ACSL4: variants seen among roughly 807,000 people sequenced by gnomAD.
ACSL4 encodes long-chain-fatty-acid--CoA ligase 4.
In ACSL4, 9 loss-of-function variants were observed where a neutral mutation model predicts 49.1. That is an observed-to-expected ratio of 0.18 (90% CI 0.11 to 0.32). The LOEUF (loss-of-function observed/expected upper bound fraction) is 0.32, where lower values mean the gene tolerates loss of function less well. Among genes scored for constraint, ACSL4 ranks in the 10% least tolerant of loss-of-function variants. The pLI is 1.00. For synonymous variants in ACSL4, 191 were observed against 170.3 expected (o/e 1.12, Z -0.95); for missense variants, 333 against 493.7 (o/e 0.67, Z 3.08).
At chrX:109,650,048 G>T (rs1013785498) in intron 15 of ACSL4, among the ~76,000 whole-genome samples, 1 of 111,362 alleles carries the variant, frequency 9.0e-6, no homozygotes. Flanking sequence ...AGAGGATGTC[G>T]AGAAATAGGG....
chrX:109,663,249 A>G lies in ACSL4; in HGVS notation c.1544T>C (p.Ile515Thr), dbSNP rs1413956213. Residue 515 changes from isoleucine (I) to threonine (T), a missense_variant, in exon 13 of 16, where the codon ATT (isoleucine) becomes ACT (threonine). Around this residue, in one of 3 missense-constraint regions of ACSL4, gnomAD observed 175 missense variants for 275.8 expected, o/e 0.63. Transcript: ENST00000672401. The part of the protein sequence containing the change: ...NGQRWFCTGD[I>T]GEFHPDGCLQ... ...ACATCCATCGGGATGGAATTCTCCA[A>G]TATCACCAGTGCAAAACCACCTTTG... 8.3e-7 allele frequency: 1 copy of G among 1,209,351 alleles called. No individual in the cohort carries two copies. The highest frequency in any genetic ancestry group is 1.1e-6 in the Non-Finnish European group (1 of 893,774).
intron 4 of ACSL4, among the ~76,000 whole-genome samples, chrX:109,681,967 T>A (rs1309152103): frequency 5.4e-5 from 6 of 111,930 alleles, no homozygotes; most frequent in Admixed American, 9.5e-5. Flanking sequence ...TCAAAGGACA[T>A]CTGCTAAACT....
intron 6 of ACSL4, among the ~76,000 whole-genome samples, chrX:109,680,477 T>C (rs888313718): frequency 3.6e-5 from 4 of 112,241 alleles, no homozygotes; most frequent in Admixed American, 9.4e-5. Context: ...TTTCCTCAAC[T>C]CTCTGCCCTG....
chrX:109,649,061 G>T (rs1193840995), intron 15 of ACSL4, among the ~76,000 whole-genome samples: 1 of 109,443 alleles, frequency 9.1e-6, no homozygotes, highest in African/African-American at 3.3e-5. Flanking sequence ...CCATGCTCAT[G>T]GGTAGGAAGA....
intron 15 of ACSL4, among the ~76,000 whole-genome samples, chrX:109,646,735 T>C (rs1219165818): frequency 9.0e-6 from 1 of 110,767 alleles, no homozygotes. Flanking sequence ...GCAAATTGGA[T>C]ACAGAGTCAA....
In ACSL4 at chrX:109,673,333, T is replaced by C. The variant is rs964086256; in HGVS notation, c.1002+1069A>G. Among the ~76,000 whole-genome samples the C allele has an allele frequency of 1.2e-4, 13 of 111,797 alleles. No homozygotes were observed. The Admixed American group carries it at 1.2e-3, about 11-fold the overall frequency. On this transcript the variant is annotated intron_variant, in intron 9 of 15. Coordinates refer to ENST00000672401, the MANE Select transcript of ACSL4 (RefSeq NM_001318510.2). ...GAGCTGTGTGGCTTTGGGGCAACTT[T>C]CCTTCTTTATAAGATAGAGTAACAG...
chrX:109,650,153 T>C (rs920101948), intron 15 of ACSL4, among the ~76,000 whole-genome samples: 9 of 111,395 alleles, frequency 8.1e-5, no homozygotes, highest in Non-Finnish European at 1.7e-4. Flanking sequence ...GAAATACCAT[T>C]TGACCCAGCC....
At chrX:109,681,188 A>C in intron 5 of ACSL4, 52 bp from the exon 6 acceptor site, 3 of 1,205,307 alleles carry the variant, frequency 2.5e-6, no homozygotes, top group Non-Finnish European at 3.4e-6. Flanking sequence ...CCTGCAACAA[A>C]AATTCACTTA....
chrX:109,729,054 C>A (rs866453454), intron 1 of ACSL4, among the ~76,000 whole-genome samples: 17 of 92,021 alleles, frequency 1.8e-4, no homozygotes, highest in African/African-American at 2.0e-4. Flanking sequence ...ACTAAAAATA[C>A]AAAAAAAAAA....
At chrX:109,725,741 A>AAAAATAAAAT (rs774145372) in intron 1 of ACSL4, among the ~76,000 whole-genome samples, 1 of 111,467 alleles carries the variant, frequency 9.0e-6, no homozygotes. Context: ...CTCCATCTCA[A>AAAAATAAAAT]AAAATAAAAT....
rs143027788 is a variant in ACSL4, at chrX:109,663,340, T to C, written c.1453A>G (p.Ile485Val). 2.1e-4 allele frequency: 257 copies of C among 1,208,534 alleles called. No individual in the cohort carries two copies. Among genetic ancestry groups the C allele is most frequent in the Non-Finnish European group, 2.8e-4 (252 of 893,735 alleles). Residue 485 changes from isoleucine to valine, a missense_variant, in exon 13 of 16, where the codon ATC becomes GTC. Transcript: ENST00000672401. ...TCATTTTTAAAATATCCCATGGAGA[T>C]GTTCTGTCCACCAATTACGATTTCA... ...RGEIVIGGQN[I>V]SMGYFKNEEK...
At chrX:109,649,371 A>G (rs1934905421) in intron 15 of ACSL4, among the ~76,000 whole-genome samples, 1 of 111,492 alleles carries the variant, frequency 9.0e-6, no homozygotes. Context: ...AAATAACGCC[A>G]CATATCTACA....
chrX:109,688,162 T>C (rs780348493), intron 2 of ACSL4, among the ~76,000 whole-genome samples: 8 of 112,018 alleles, frequency 7.1e-5, no homozygotes, highest in Non-Finnish European at 1.3e-4. Context: ...CTGACCTATT[T>C]TGCAGACAAA....
At position 109,716,965 on chromosome X, in the gene ACSL4, C is replaced by T. The variant is rs777304862; in HGVS notation, c.-66+16174G>A. On this transcript the variant is annotated intron_variant, in intron 1 of 15. Transcript: ENST00000672401. Reference sequence around the variant, plus strand: ...GTACCTTTAAGATATCCTTTTGCAGCTATTTCTATGATTATTTAAGATATA... The same window carrying T: ...GTACCTTTAAGATATCCTTTTGCAGTTATTTCTATGATTATTTAAGATATA... 5.3e-5 allele frequency among the ~76,000 whole-genome samples: 6 copies of T among 112,295 alleles called. No individual in the cohort carries two copies. The East Asian group carries it at 8.4e-4, about 16-fold the overall frequency.
chrX:109,693,069 A>G (rs1925163276), intron 2 of ACSL4, among the ~76,000 whole-genome samples: 1 of 111,492 alleles, frequency 9.0e-6, no homozygotes, highest in African/African-American at 3.3e-5. Flanking sequence ...TTTTTTTGCC[A>G]CATGATCTGC....
rs181066043 is a variant in ACSL4, at chrX:109,644,291, T to C, written c.1856-105A>G. 4.5e-4 allele frequency: 355 copies of C among 780,472 alleles called. 1 individual carries two copies. The highest frequency in any genetic ancestry group is 5.6e-4 in the Non-Finnish European group (310 of 557,380). 64.3% of individuals were successfully genotyped at this position (780,472 alleles called of 1,213,427 possible). A position where few individuals can be genotyped will look rare whatever the true frequency, so the allele number is the denominator to read the frequency against. ...GGAAGGAGAAGCAATTAATAAAATA[T>C]GAGTTTTTCAGGATTTACCTAGATG... On this transcript the variant is annotated intron_variant, in intron 15 of 15. Coordinates refer to ENST00000672401, the MANE Select transcript of ACSL4 (RefSeq NM_001318510.2).
intron 5 of ACSL4, 31 bp from the exon 6 acceptor site, chrX:109,681,167 T>C: frequency 8.3e-7 from 1 of 1,209,726 alleles, no homozygotes; most frequent in African/African-American, 1.7e-5. Flanking sequence ...AAAACAGCTA[T>C]TAAACTTAAG....
rs1923881796 is a variant in ACSL4 at position 109,678,188 on chromosome X, T to C, written c.806+77A>G. Reference sequence around the variant, plus strand: ...GTTAGAAATACCAAGAGCTTTATCATTTTAATATAGATTGAGTTTAGAGAA... The same window carrying C: ...GTTAGAAATACCAAGAGCTTTATCACTTTAATATAGATTGAGTTTAGAGAA... On this transcript the variant is annotated intron_variant, in intron 7 of 15. Coordinates refer to ENST00000672401, the MANE Select transcript of ACSL4 (RefSeq NM_001318510.2). The C allele has an allele frequency of 7.5e-6, 9 of 1,204,358 alleles. No individual in the cohort carries two copies. In the Admixed American group the frequency reaches 2.0e-4, roughly 26 times the overall value.
chrX:109,718,757 A>C (rs1385979015), intron 1 of ACSL4, among the ~76,000 whole-genome samples: 1 of 110,666 alleles, frequency 9.0e-6, no homozygotes, highest in African/African-American at 3.3e-5. Flanking sequence ...TCAAGAAAAA[A>C]AAAAAAAAAA....
Sources: gnomAD v4.1 joint callset for allele counts (sites outside exome capture counted in the v4.1 genomes callset) on GRCh38, gnomAD v4.1.1 for gene constraint, gnomAD v4.1.1 regional missense constraint, MANE v1.5 for transcripts, NCBI Gene and HGNC (gene_info 2026-07-23, HGNC 2026-07-21) for gene names.